The following FHIT variants were observed in gnomAD, a reference collection of about 807,000 sequenced individuals.
FHIT encodes fragile histidine triad diadenosine triphosphatase, also known as bis(5'-adenosyl)-triphosphatase.
FHIT carries 19 observed loss-of-function variants against 17.9 expected under a neutral mutation model. That is an observed-to-expected ratio of 1.06 (90% CI 0.74 to 1.56). The LOEUF (loss-of-function observed/expected upper bound fraction) is 1.56, where lower values mean the gene tolerates loss of function less well. FHIT is among the 40% of genes most tolerant of loss of function. FHIT has a pLI of 0.00. For synonymous variants in FHIT, 81 were observed against 69.7 expected, an observed-to-expected ratio of 1.16 and a Z score of -0.81; for missense variants, 248 against 189.2, an observed-to-expected ratio of 1.31 and a Z score of -1.82.
chr3:59,752,165 G>T, intron 9 of FHIT, 56 bp downstream of exon 9: 1 of 1,259,546 alleles, frequency 7.9e-7, no homozygotes, highest in Non-Finnish European at 1.1e-6. Context: ...TGAGAGTGCA[G>T]CCTCTTTCCT....
intron 5 of FHIT, among the ~76,000 whole-genome samples, chr3:60,305,074 C>T (rs1708610890): frequency 6.6e-6 from 1 of 152,076 alleles, no homozygotes; most frequent in Non-Finnish European, 1.5e-5. Flanking sequence ...AAGCCATTCA[C>T]TTTGTTTGGA....
At chr3:60,643,567 G>C (rs2039780749) in intron 4 of FHIT, among the ~76,000 whole-genome samples, 1 of 152,122 alleles carries the variant, frequency 6.6e-6, no homozygotes, top group African/African-American at 2.4e-5. Flanking sequence ...AGATGCAAAA[G>C]TGTTTAATAA....
rs147391798 is a variant in FHIT, at chr3:59,761,184, C to T, written c.349-8863G>A. 7.9e-4 allele frequency among the ~76,000 whole-genome samples: 121 copies of T among 152,290 alleles called. 1 individual carries two copies. The highest frequency in any genetic ancestry group is 2.7e-3 in the African/African-American group (112 of 41,556). The stretch of plus-strand genomic sequence containing the variant: ...ATCCCACTGTGGCAAGAGCCTGACT[C>T]CCAGGGTTCAGTAGAGAAATAATTT... On this transcript the variant is annotated intron_variant, in intron 8 of 9. Coordinates refer to ENST00000492590, the MANE Select transcript of FHIT (RefSeq NM_002012.4).
intron 5 of FHIT, among the ~76,000 whole-genome samples, chr3:60,360,018 TA>T (rs1364140987): frequency 3.4e-5 from 5 of 149,048 alleles, no homozygotes; most frequent in Non-Finnish European, 7.4e-5. Flanking sequence ...TTTCATTCTG[TA>T]AGGAAAGGAC....
intron 2 of FHIT, among the ~76,000 whole-genome samples, chr3:61,100,192 T>C (rs1392001279): frequency 6.6e-6 from 1 of 152,152 alleles, no homozygotes; most frequent in Non-Finnish European, 1.5e-5. Context: ...GTATTTCTCC[T>C]AATGCTATCC....
intron 5 of FHIT, among the ~76,000 whole-genome samples, chr3:60,236,749 TA>T (rs1704819878): frequency 6.6e-6 from 1 of 152,166 alleles, no homozygotes; most frequent in African/African-American, 2.4e-5. Flanking sequence ...ATTCTCACTG[TA>T]AAAAATTCAA....
rs546559495 is a variant in FHIT, at chr3:60,386,821, A to G, written c.103+150039T>C. Among the ~76,000 whole-genome samples, 63 of 152,248 alleles carry G rather than the reference A, an allele frequency of 4.1e-4. 1 individual carries two copies. The highest frequency in any genetic ancestry group is 2.3e-3 in the Admixed American group (35 of 15,288). On this transcript the variant is annotated intron_variant, in intron 5 of 9. Coordinates refer to ENST00000492590, the MANE Select transcript of FHIT (RefSeq NM_002012.4). ...ATGTGGTAGGTGCTGACCACTTTAC[A>G]TGCATCAACTGACCTTTAAACAGAA...
At position 59,854,560 on chromosome 3, in the gene FHIT, C is replaced by T. The variant is rs144931320; in HGVS notation, c.348+67786G>A. Among the ~76,000 whole-genome samples the T allele has an allele frequency of 2.7e-3, 417 of 152,254 alleles. 3 individuals carry two copies. The highest frequency in any genetic ancestry group is 9.0e-3 in the African/African-American group (373 of 41,558). ...AATCTCATTTCCCTCTCTCTCACAC[C>T]GCAGAGCACTCTCTAGTCCAAGCAC... On this transcript the variant is annotated intron_variant, in intron 8 of 9. Coordinates refer to ENST00000492590, the MANE Select transcript of FHIT (RefSeq NM_002012.4).
At chr3:59,900,324 G>A (rs760417035) in intron 8 of FHIT, among the ~76,000 whole-genome samples, 4 of 152,216 alleles carry the variant, frequency 2.6e-5, no homozygotes, top group Non-Finnish European at 5.9e-5. Flanking sequence ...CGCAGAACAG[G>A]TGAGGCTACA....
intron 4 of FHIT, chr3:60,553,445 T>C (rs1040950571): frequency 8.3e-5 from 35 of 423,076 alleles, no homozygotes; most frequent in Non-Finnish European, 1.0e-4. Flanking sequence ...CTTTAAAATA[T>C]ATATATATAT....
chr3:60,814,483 A>T (rs76630073), intron 4 of FHIT, among the ~76,000 whole-genome samples: 1,913 of 152,230 alleles, frequency 0.013, 41 homozygotes, highest in African/African-American at 0.04. Flanking sequence ...CCTGCATTAA[A>T]TTGCTAGGAT....
At chr3:61,202,077 C>G (rs1003639405) in intron 1 of FHIT, among the ~76,000 whole-genome samples, 1 of 151,884 alleles carries the variant, frequency 6.6e-6, no homozygotes, top group African/African-American at 2.4e-5. Flanking sequence ...TACACACACA[C>G]ACACACACAC....
At chr3:60,358,628 TA>T (rs1183854130) in intron 5 of FHIT, among the ~76,000 whole-genome samples, 1 of 152,170 alleles carries the variant, frequency 6.6e-6, no homozygotes, top group Non-Finnish European at 1.5e-5. Flanking sequence ...GAAAGGCTAA[TA>T]AACATTGCTA....
chr3:60,084,758 C>T (rs776184454), intron 5 of FHIT, among the ~76,000 whole-genome samples: 1 of 152,110 alleles, frequency 6.6e-6, no homozygotes, highest in Non-Finnish European at 1.5e-5. Flanking sequence ...AATATAAAAT[C>T]ACAACAGCTG....
At chr3:59,919,447 A>C (rs986596671) in intron 8 of FHIT, among the ~76,000 whole-genome samples, 3 of 152,296 alleles carry the variant, frequency 2.0e-5, no homozygotes, top group Admixed American at 6.5e-5. Context: ...AGATATTTGG[A>C]AACAGTGACT....
intron 5 of FHIT, among the ~76,000 whole-genome samples, chr3:60,127,881 T>G (rs549562247): frequency 6.6e-6 from 1 of 152,312 alleles, no homozygotes; most frequent in East Asian, 1.9e-4. Flanking sequence ...TCCTCCAGCT[T>G]TGGCCTCTCC....
intron 7 of FHIT, among the ~76,000 whole-genome samples, chr3:59,932,993 G>A (rs546951533): frequency 1.3e-5 from 2 of 151,860 alleles, no homozygotes; most frequent in African/African-American, 4.8e-5. Context: ...CTTCCAAAGG[G>A]CAAAAACATC....
intron 5 of FHIT, among the ~76,000 whole-genome samples, chr3:60,102,834 G>T (rs1471736642): frequency 1.3e-5 from 2 of 152,092 alleles, no homozygotes; most frequent in African/African-American, 4.8e-5. Context: ...AGAAAAAAAT[G>T]ACACATCTAC....
At chr3:59,773,431 A>G (rs1440674214) in intron 8 of FHIT, among the ~76,000 whole-genome samples, 1 of 152,190 alleles carries the variant, frequency 6.6e-6, no homozygotes. Flanking sequence ...TATTGTCACA[A>G]AAATCTAGGA....
Sources: allele counts gnomAD v4.1 joint callset (sites outside exome capture counted in the v4.1 genomes callset), GRCh38; gene constraint gnomAD v4.1.1; transcripts MANE v1.5; gene names NCBI Gene and HGNC (gene_info 2026-07-23, HGNC 2026-07-21).